The following NSMCE2 variants were observed in gnomAD, a reference collection of about 807,000 sequenced individuals.
NSMCE2 encodes E3 SUMO-protein ligase NSE2.
A neutral mutation model predicts 23.8 loss-of-function variants in NSMCE2; 24 were observed. The ratio of observed to expected loss-of-function variants is 1.01; its 90% CI spans 0.73 to 1.42. The LOEUF is 1.42. Among genes scored for constraint, NSMCE2 ranks in the 40% most tolerant of loss-of-function variants. NSMCE2 has a pLI of 0.00. For synonymous variants in NSMCE2, 92 were observed against 94.1 expected, an observed-to-expected ratio of 0.98 and a Z score of 0.13; for missense variants, 284 against 296.5, an observed-to-expected ratio of 0.96 and a Z score of 0.31.
In NSMCE2 at chr8:125,204,145, CT is replaced by C. The variant is rs533504643; in HGVS notation, c.418+21895del. On this transcript the variant is annotated intron_variant, in intron 5 of 7. Coordinates refer to ENST00000287437, the MANE Select transcript of NSMCE2 (RefSeq NM_173685.4). ...GGGGTTATGACTTAGTTCATGTGAC[CT>C]TTTTTCCCCCATGGGACAAATATTT... Among the ~76,000 whole-genome samples, 572 of 152,236 alleles carry C rather than the reference CT, an allele frequency of 3.8e-3. 2 individuals carry two copies. Among genetic ancestry groups the C allele is most frequent in the Non-Finnish European group, 6.4e-3 (433 of 68,006 alleles).
intron 5 of NSMCE2, among the ~76,000 whole-genome samples, chr8:125,311,397 A>G (rs1828968051): frequency 6.6e-6 from 1 of 152,256 alleles, no homozygotes; most frequent in Non-Finnish European, 1.5e-5. Flanking sequence ...CCAAAGAAGG[A>G]AATCTTATTT....
intron 5 of NSMCE2, among the ~76,000 whole-genome samples, chr8:125,187,324 A>G (rs183704832): frequency 9.4e-4 from 143 of 152,226 alleles, no homozygotes; most frequent in African/African-American, 3.4e-3. Flanking sequence ...TTAGGGAACA[A>G]TTTCACAGAG....
At chr8:125,092,159 A>G (rs965308121) in intron 1 of NSMCE2, among the ~76,000 whole-genome samples, 3 of 152,186 alleles carry the variant, frequency 2.0e-5, no homozygotes, top group African/African-American at 7.2e-5. Context: ...TCAAGTGTGT[A>G]GGGGCAAGAT....
At chr8:125,165,397 A>G (rs1250400782) in intron 4 of NSMCE2, among the ~76,000 whole-genome samples, 2 of 152,216 alleles carry the variant, frequency 1.3e-5, no homozygotes, top group African/African-American at 2.4e-5. Context: ...ATAAGATGGT[A>G]TTTTCCAATG....
At chr8:125,334,492 G>A (rs1450464313) in intron 5 of NSMCE2, among the ~76,000 whole-genome samples, 3 of 152,196 alleles carry the variant, frequency 2.0e-5, no homozygotes, top group Admixed American at 6.5e-5. Flanking sequence ...TTAGAGGACC[G>A]AAGTGCTGCA....
Position 125,237,954 on chromosome 8 carries a change from T to C in NSMCE2, c.418+55698T>C, listed in dbSNP as rs142537534. Among the ~76,000 whole-genome samples the C allele has an allele frequency of 3.5e-3, 537 of 152,300 alleles. 3 individuals are homozygous for C. The highest frequency in any genetic ancestry group is 5.0e-3 in the Admixed American group (76 of 15,296). On this transcript the variant is annotated intron_variant, in intron 5 of 7. Coordinates refer to ENST00000287437, the MANE Select transcript of NSMCE2 (RefSeq NM_173685.4). ...CTATGTTACCCCATGACAGTTGACC[T>C]CTTCTGGGTGAATATTATCTGATTG... is the stretch of plus-strand genomic sequence containing the variant.
chr8:125,103,270 C>T (rs891946762), intron 3 of NSMCE2, among the ~76,000 whole-genome samples: 2 of 151,588 alleles, frequency 1.3e-5, no homozygotes, highest in Non-Finnish European at 2.9e-5. Context: ...CGAGCCACTG[C>T]ACTCCAGTCT....
intron 5 of NSMCE2, among the ~76,000 whole-genome samples, chr8:125,258,635 A>G (rs1166563306): frequency 6.6e-6 from 1 of 152,186 alleles, no homozygotes; most frequent in African/African-American, 2.4e-5. Context: ...AGGGTTCTAG[A>G]AAGTAAAATA....
intron 5 of NSMCE2, among the ~76,000 whole-genome samples, chr8:125,286,872 CAT>C (rs1385392747): frequency 9.2e-5 from 14 of 151,560 alleles, no homozygotes; most frequent in Admixed American, 1.3e-4. Context: ...CTAAGAAAAT[CAT>C]ATGTGTGTGG....
chr8:125,330,094 G>A (rs1468972802), intron 5 of NSMCE2, among the ~76,000 whole-genome samples: 1 of 152,184 alleles, frequency 6.6e-6, no homozygotes, highest in East Asian at 1.9e-4. Context: ...TAGCTTTACA[G>A]ATTCGGGGCA....
intron 5 of NSMCE2, among the ~76,000 whole-genome samples, chr8:125,330,118 AG>A (rs1439446458): frequency 6.6e-6 from 1 of 152,038 alleles, no homozygotes; most frequent in African/African-American, 2.4e-5. Flanking sequence ...CGCTTTCAGA[AG>A]GATGGAAACA....
intron 4 of NSMCE2, among the ~76,000 whole-genome samples, chr8:125,159,276 A>G (rs897779374): frequency 3.9e-5 from 6 of 152,340 alleles, no homozygotes; most frequent in African/African-American, 1.4e-4. Flanking sequence ...TATAGGATAA[A>G]ACATAGTCAT....
chr8:125,330,601 G>A (rs1015567564), intron 5 of NSMCE2, among the ~76,000 whole-genome samples: 2 of 152,170 alleles, frequency 1.3e-5, no homozygotes, highest in African/African-American at 2.4e-5. Flanking sequence ...GAATGCATGG[G>A]CCAAAAATAA....
intron 5 of NSMCE2, among the ~76,000 whole-genome samples, chr8:125,294,344 G>A (rs1299389630): frequency 6.6e-6 from 1 of 151,356 alleles, no homozygotes; most frequent in Non-Finnish European, 1.5e-5. Context: ...TGGGTCATAT[G>A]GTGACTCTAT....
At chr8:125,211,288 T>C (rs1254415089) in intron 5 of NSMCE2, among the ~76,000 whole-genome samples, 1 of 152,226 alleles carries the variant, frequency 6.6e-6, no homozygotes, top group Non-Finnish European at 1.5e-5. Context: ...ACAGTTACTC[T>C]TACCAGTTCC....
chr8:125,139,823 G>A (rs919935720), intron 3 of NSMCE2, among the ~76,000 whole-genome samples: 2 of 152,168 alleles, frequency 1.3e-5, no homozygotes, highest in Non-Finnish European at 2.9e-5. Flanking sequence ...TGGAAATTTT[G>A]TCATTAAACT....
At chr8:125,133,866 A>G (rs1294141047) in intron 3 of NSMCE2, among the ~76,000 whole-genome samples, 1 of 152,210 alleles carries the variant, frequency 6.6e-6, no homozygotes, top group Non-Finnish European at 1.5e-5. Context: ...TTAACTTTGT[A>G]TCATACATTA....
rs527563896 is a variant in NSMCE2 at position 125,279,116 on chromosome 8, A to G, written c.419-78103A>G. Among the ~76,000 whole-genome samples the G allele has an allele frequency of 1.4e-4, 21 of 152,282 alleles. 1 individual carries two copies. Among genetic ancestry groups the G allele is most frequent in the Admixed American group, 9.8e-4 (15 of 15,292 alleles). On this transcript the variant is annotated intron_variant, in intron 5 of 7. Coordinates refer to ENST00000287437, the MANE Select transcript of NSMCE2 (RefSeq NM_173685.4). ...AGAGTTGCCAGTTAAATACATATATATTTTTCAAAGGAAATCATCAAAAAG... is the reference window on the plus strand; with the variant it reads ...AGAGTTGCCAGTTAAATACATATATGTTTTTCAAAGGAAATCATCAAAAAG...
chr8:125,291,944 A>T (rs1362671220), intron 5 of NSMCE2, among the ~76,000 whole-genome samples: 2 of 152,074 alleles, frequency 1.3e-5, no homozygotes, highest in East Asian at 1.9e-4. Context: ...TTATTCAGGG[A>T]CCCAGGCTCT....
Sources: gnomAD v4.1 joint callset for allele counts (sites outside exome capture counted in the v4.1 genomes callset) on GRCh38, gnomAD v4.1.1 for gene constraint, MANE v1.5 for transcripts, NCBI Gene and HGNC (gene_info 2026-07-23, HGNC 2026-07-21) for gene names.